CDH13: variants seen among roughly 807,000 people sequenced by gnomAD.
CDH13 encodes the protein cadherin-13.
In CDH13, 24 loss-of-function variants were observed where a neutral mutation model predicts 63.8. The ratio of observed to expected loss-of-function variants is 0.38; its 90% CI spans 0.27 to 0.53. The LOEUF is 0.53. Ranked by LOEUF, CDH13 falls within the 20% of genes least tolerant of loss-of-function variation. The probability of loss-of-function intolerance (pLI) is 0.85; values close to 1 mark genes in which losing one functional copy is unlikely to be tolerated. For missense variants in CDH13, 1,049 were observed against 903.1 expected (o/e 1.16, Z -2.07); for synonymous variants, 503 against 355.3 (o/e 1.42, Z -4.67).
intron 1 of CDH13, among the ~76,000 whole-genome samples, chr16:82,670,565 G>A (rs117505005): frequency 0.024 from 3,599 of 152,284 alleles, 54 homozygotes; most frequent in Non-Finnish European, 0.033. Flanking sequence ...CACGTACTGA[G>A]GACTATTGGG....
intron 8 of CDH13, among the ~76,000 whole-genome samples, chr16:83,636,731 G>A (rs917573499): frequency 6.6e-6 from 1 of 152,212 alleles, no homozygotes; most frequent in African/African-American, 2.4e-5. Flanking sequence ...ATGGGTGCAT[G>A]TGTCTTTTCA....
chr16:83,049,485 C>T (rs2030043558), intron 3 of CDH13, among the ~76,000 whole-genome samples: 1 of 151,946 alleles, frequency 6.6e-6, no homozygotes, highest in Non-Finnish European at 1.5e-5. Context: ...CAGGTGCCCA[C>T]CACCACACCC....
intron 1 of CDH13, among the ~76,000 whole-genome samples, chr16:82,746,677 A>G (rs948560881): frequency 2.6e-5 from 4 of 152,180 alleles, no homozygotes; most frequent in African/African-American, 4.8e-5. Context: ...TTACTTAAGC[A>G]TACATATATA....
At chr16:83,441,300 C>G (rs1480610924) in intron 6 of CDH13, among the ~76,000 whole-genome samples, 1 of 152,070 alleles carries the variant, frequency 6.6e-6, no homozygotes, top group Non-Finnish European at 1.5e-5. Context: ...TACTGTATAT[C>G]CATTTGAAAG....
chr16:82,803,754 T>C (rs1652402235), intron 1 of CDH13, among the ~76,000 whole-genome samples: 1 of 151,048 alleles, frequency 6.6e-6, no homozygotes. Flanking sequence ...ATTCCACTTA[T>C]ATGAGGTATC....
At chr16:83,687,896 C>T (rs956590068) in intron 10 of CDH13, among the ~76,000 whole-genome samples, 1 of 152,212 alleles carries the variant, frequency 6.6e-6, no homozygotes, top group Non-Finnish European at 1.5e-5. Context: ...AAATTAGATA[C>T]TCATCTCTTT....
intron 6 of CDH13, among the ~76,000 whole-genome samples, chr16:83,351,023 A>G (rs533282819): frequency 1.3e-5 from 2 of 152,314 alleles, no homozygotes; most frequent in South Asian, 4.1e-4. Context: ...CTAAATAAAG[A>G]TGGCTGGGAT....
chr16:83,340,979 G>A lies in CDH13; in HGVS notation c.637-3883G>A, dbSNP rs530965749. Among the ~76,000 whole-genome samples the A allele has an allele frequency of 6.6e-5, 10 of 152,230 alleles. No homozygotes were observed. The East Asian group carries it at 1.5e-3, about 24-fold the overall frequency. On this transcript the variant is annotated intron_variant, in intron 5 of 13. Transcript: ENST00000567109. The stretch of plus-strand genomic sequence containing the variant: ...AAGGGGTGGTCTTGAAGTAGGCAAT[G>A]AGGGCCTGGGTGGTTTCCATTTCCT...
chr16:83,379,026 C>CGTGT (rs71382872), intron 6 of CDH13, among the ~76,000 whole-genome samples: 8 of 149,390 alleles, frequency 5.4e-5, no homozygotes, highest in South Asian at 2.1e-4. Flanking sequence ...CACACACACA[C>CGTGT]GTGTGTGTAT....
At chr16:82,999,495 T>C (rs768452234) in intron 2 of CDH13, among the ~76,000 whole-genome samples, 3 of 152,086 alleles carry the variant, frequency 2.0e-5, no homozygotes, top group Non-Finnish European at 4.4e-5. Flanking sequence ...TTCTTGATGA[T>C]ACCAAGATAC....
At chr16:82,683,165 C>T (rs957039453) in intron 1 of CDH13, among the ~76,000 whole-genome samples, 5 of 152,172 alleles carry the variant, frequency 3.3e-5, no homozygotes, top group East Asian at 1.9e-4. Context: ...CAGAAGATGT[C>T]GCCCTGGTGT....
intron 6 of CDH13, among the ~76,000 whole-genome samples, chr16:83,446,739 A>T (rs2130158): frequency 0.18 from 27,496 of 152,072 alleles, 2,550 homozygotes; most frequent in Middle Eastern, 0.26. Context: ...CTGCTACAAC[A>T]TGGAGAAATG....
chr16:83,428,301 T>C (rs191510047), intron 6 of CDH13, among the ~76,000 whole-genome samples: 2 of 152,254 alleles, frequency 1.3e-5, no homozygotes, highest in African/African-American at 4.8e-5. Flanking sequence ...TCAAGAAATA[T>C]GTTTTTTTGT....
chr16:82,685,116 T>A (rs1317827302), intron 1 of CDH13, among the ~76,000 whole-genome samples: 2 of 152,042 alleles, frequency 1.3e-5, no homozygotes, highest in Non-Finnish European at 2.9e-5. Flanking sequence ...AATGATCCAA[T>A]GAGGGGAAAA....
intron 8 of CDH13, among the ~76,000 whole-genome samples, chr16:83,635,577 C>T (rs1911186737): frequency 6.6e-6 from 1 of 152,028 alleles, no homozygotes; most frequent in Admixed American, 6.5e-5. Flanking sequence ...CTCCTGACCT[C>T]GTGATCTGCC....
chr16:83,576,465 C>A (rs4426341), intron 7 of CDH13, among the ~76,000 whole-genome samples: 1 of 151,994 alleles, frequency 6.6e-6, no homozygotes, highest in Non-Finnish European at 1.5e-5. Flanking sequence ...GTTCTATGAA[C>A]GTGTGCATAC....
intron 8 of CDH13, among the ~76,000 whole-genome samples, chr16:83,664,676 G>A (rs1435736789): frequency 1.3e-5 from 2 of 151,928 alleles, no homozygotes; most frequent in African/African-American, 4.8e-5. Context: ...GTGAGGTAGG[G>A]GTCAGGATTC....
intron 1 of CDH13, among the ~76,000 whole-genome samples, chr16:82,708,021 T>A (rs2031628409): frequency 6.6e-6 from 1 of 152,192 alleles, no homozygotes; most frequent in Admixed American, 6.5e-5. Context: ...TCATTCCATC[T>A]TTTTCCTTCC....
At chr16:83,133,035 T>C (rs1383796443) in intron 4 of CDH13, among the ~76,000 whole-genome samples, 2 of 152,218 alleles carry the variant, frequency 1.3e-5, no homozygotes, top group East Asian at 1.9e-4. Flanking sequence ...ATTGACATTA[T>C]TGCAGGAAGT....
Sources: gnomAD v4.1 joint callset for allele counts (sites outside exome capture counted in the v4.1 genomes callset) on GRCh38, gnomAD v4.1.1 for gene constraint, MANE v1.5 for transcripts, NCBI Gene and HGNC (gene_info 2026-07-23, HGNC 2026-07-21) for gene names.